HSF5: variants seen among roughly 807,000 people sequenced by gnomAD.
HSF5 encodes heat shock transcription factor 5, also known as heat shock factor protein 5.
Under a neutral mutation model 50.8 loss-of-function variants are expected in HSF5, and 5 were observed. That is an observed-to-expected ratio of 0.10 (90% CI 0.05 to 0.21). The LOEUF (loss-of-function observed/expected upper bound fraction) is 0.21. HSF5 is among the 10% of genes least tolerant of loss of function. The probability of loss-of-function intolerance (pLI) is 1.00; values close to 1 mark genes in which losing one functional copy is unlikely to be tolerated. For synonymous variants in HSF5, 307 were observed against 307.4 expected, an observed-to-expected ratio of 1.00 and a Z score of 0.02; for missense variants, 564 against 762.6, an observed-to-expected ratio of 0.74 and a Z score of 3.07.
chr17:58,434,189 A>G (rs562928438), intron 5 of HSF5, among the ~76,000 whole-genome samples: 2 of 152,174 alleles, frequency 1.3e-5, no homozygotes, highest in East Asian at 3.9e-4. Flanking sequence ...CTGGGATTAC[A>G]GGCGTGAGCC....
At chr17:58,449,119 T>C (rs935344831) in intron 5 of HSF5, among the ~76,000 whole-genome samples, 5 of 151,982 alleles carry the variant, frequency 3.3e-5, no homozygotes, top group African/African-American at 9.7e-5. Context: ...GTGGTAATCA[T>C]AGACAAAACC....
chr17:58,483,230 C>T (rs1387421232), intron 1 of HSF5, among the ~76,000 whole-genome samples: 1 of 152,148 alleles, frequency 6.6e-6, no homozygotes, highest in African/African-American at 2.4e-5. Context: ...GAATTCCCTA[C>T]CTTAAATTGT....
intron 5 of HSF5, among the ~76,000 whole-genome samples, chr17:58,448,133 CAAAA>C (rs33943640): frequency 7.3e-5 from 6 of 82,030 alleles, no homozygotes; most frequent in African/African-American, 9.6e-5. Context: ...GAACCTGTCT[CAAAA>C]AAAAAAAAAA....
intron 1 of HSF5, among the ~76,000 whole-genome samples, chr17:58,482,426 T>C (rs905379134): frequency 6.6e-6 from 1 of 151,954 alleles, no homozygotes; most frequent in Non-Finnish European, 1.5e-5. Context: ...GGTGAGATCC[T>C]GGCCAGGTAC....
At chr17:58,468,632 A>G (rs1049221501) in intron 2 of HSF5, among the ~76,000 whole-genome samples, 2 of 152,208 alleles carry the variant, frequency 1.3e-5, no homozygotes, top group Non-Finnish European at 2.9e-5. Context: ...TTTAAAAAAT[A>G]GCCGAAATGC....
At chr17:58,460,081 G>A (rs1318727242) in intron 4 of HSF5, among the ~76,000 whole-genome samples, 25 of 152,096 alleles carry the variant, frequency 1.6e-4, no homozygotes, top group Admixed American at 1.6e-3. Context: ...GTAGTGGTGT[G>A]ATCACGGCTC....
At chr17:58,480,762 G>GCTATATAT (rs1555644445) in intron 1 of HSF5, among the ~76,000 whole-genome samples, 1 of 146,374 alleles carries the variant, frequency 6.8e-6, no homozygotes, top group African/African-American at 2.5e-5. Flanking sequence ...AACGCTCTTT[G>GCTATATAT]CTATCTATCT....
intron 2 of HSF5, among the ~76,000 whole-genome samples, chr17:58,467,303 ATATAT>A (rs1974880545): frequency 6.6e-6 from 1 of 152,254 alleles, no homozygotes; most frequent in Admixed American, 6.5e-5. Context: ...AAATAGAGGA[ATATAT>A]TGAAATTCCA....
At chr17:58,437,309 T>C (rs1974440081) in intron 5 of HSF5, among the ~76,000 whole-genome samples, 1 of 152,246 alleles carries the variant, frequency 6.6e-6, no homozygotes, top group African/African-American at 2.4e-5. Context: ...AAAGTCAGTT[T>C]ACTATCTGGG....
At chr17:58,441,551 A>G (rs1290319643) in intron 5 of HSF5, among the ~76,000 whole-genome samples, 1 of 152,204 alleles carries the variant, frequency 6.6e-6, no homozygotes, top group East Asian at 1.9e-4. Flanking sequence ...CAGACAATGG[A>G]AAAAATTAAC....
intron 5 of HSF5, among the ~76,000 whole-genome samples, chr17:58,451,187 T>A (rs755645617): frequency 2.6e-5 from 4 of 152,158 alleles, no homozygotes; most frequent in Non-Finnish European, 5.9e-5. Flanking sequence ...CCTAAATATA[T>A]AATGCAAATA....
chr17:58,476,292 G>T, intron 2 of HSF5: 1 of 997,374 alleles, frequency 1.0e-6, no homozygotes, highest in Non-Finnish European at 1.6e-6. Context: ...GAACCAAGTG[G>T]TACTGTAATG....
intron 2 of HSF5, among the ~76,000 whole-genome samples, chr17:58,475,509 TTTA>T (rs1291670852): frequency 6.6e-6 from 1 of 152,190 alleles, no homozygotes; most frequent in African/African-American, 2.4e-5. Context: ...TAGCAGAGAA[TTTA>T]TTTTAAAAAG....
intron 3 of HSF5, among the ~76,000 whole-genome samples, chr17:58,464,911 C>T (rs1288138923): frequency 6.6e-6 from 1 of 151,590 alleles, no homozygotes; most frequent in Non-Finnish European, 1.5e-5. Flanking sequence ...GCTGGGATTA[C>T]AGGCGTGAGC....
chr17:58,449,697 C>T (rs577241276), intron 5 of HSF5, among the ~76,000 whole-genome samples: 45 of 128,646 alleles, frequency 3.5e-4, no homozygotes, highest in Admixed American at 2.8e-3. Context: ...GAGGCTCCAT[C>T]TCAAAAAAAA....
At chr17:58,481,589 T>C (rs767837194) in intron 1 of HSF5, among the ~76,000 whole-genome samples, 5 of 152,260 alleles carry the variant, frequency 3.3e-5, no homozygotes, top group Non-Finnish European at 7.3e-5. Context: ...TACTCAAGTA[T>C]TAAACTACAC....
rs146661173 is a variant in HSF5 at position 58,479,508 on chromosome 17, G to A, written c.925+385C>T. On this transcript the variant is annotated intron_variant, in intron 2 of 5. Coordinates refer to ENST00000323777, the MANE Select transcript of HSF5 (RefSeq NM_001080439.3). ...AGTAGAATTGGGGTTTCACCATGTT[G>A]GCTAGGCTGGTCTCGAACTCCTGAC... Among the ~76,000 whole-genome samples the A allele has an allele frequency of 2.5e-3, 377 of 152,136 alleles. 2 individuals are homozygous for A. The highest frequency in any genetic ancestry group is 8.8e-3 in the African/African-American group (364 of 41,474).
intron 2 of HSF5, chr17:58,476,362 TG>T: frequency 9.1e-7 from 1 of 1,095,474 alleles, no homozygotes. Flanking sequence ...TGCATCAGAA[TG>T]GTCAGTAAAT....
chr17:58,480,797 A>ATCTATCTATCTG (rs1975089637), intron 1 of HSF5, among the ~76,000 whole-genome samples: 1 of 151,302 alleles, frequency 6.6e-6, no homozygotes, highest in Non-Finnish European at 1.5e-5. Flanking sequence ...CTATCTATCT[A>ATCTATCTATCTG]TCTATCTAGC....
Sources: gnomAD v4.1 joint callset for allele counts (sites outside exome capture counted in the v4.1 genomes callset) on GRCh38, gnomAD v4.1.1 for gene constraint, MANE v1.5 for transcripts, NCBI Gene and HGNC (gene_info 2026-07-23, HGNC 2026-07-21) for gene names.